Variants in BFSP2 observed in about 807,000 individuals in gnomAD.
BFSP2 encodes the protein beaded filament structural protein 2, also known as phakinin.
In BFSP2, 38 loss-of-function variants were observed where a neutral mutation model predicts 44.9. The ratio of observed to expected loss-of-function variants is 0.85; its 90% confidence interval spans 0.65 to 1.11. The LOEUF (loss-of-function observed/expected upper bound fraction) is 1.11. Ranked by LOEUF, BFSP2 falls within the 50% of genes least tolerant of loss-of-function variation. The pLI is 0.00. For synonymous variants in BFSP2, 197 were observed against 209.9 expected (o/e 0.94, Z 0.53); for missense variants, 525 against 533.0 (o/e 0.99, Z 0.15).
intron 1 of BFSP2, among the ~76,000 whole-genome samples, chr3:133,437,059 T>C (rs1384362910): frequency 1.3e-5 from 2 of 152,246 alleles, no homozygotes; most frequent in African/African-American, 4.8e-5. Flanking sequence ...AGTGCCACAA[T>C]AAACATACGT....
intron 4 of BFSP2, among the ~76,000 whole-genome samples, chr3:133,457,601 G>T (rs1178592484): frequency 6.6e-6 from 1 of 151,996 alleles, no homozygotes; most frequent in African/African-American, 2.4e-5. Flanking sequence ...AGAACATACT[G>T]CTTTATGACT....
At chr3:133,453,772 A>G (rs2073987562) in intron 4 of BFSP2, among the ~76,000 whole-genome samples, 1 of 152,220 alleles carries the variant, frequency 6.6e-6, no homozygotes, top group Non-Finnish European at 1.5e-5. Context: ...AGCCTAAGGG[A>G]TAAAGGTGGT....
In BFSP2 at chr3:133,455,991, C is replaced by A. The variant is rs73863551; in HGVS notation, c.891+5527C>A. ...GACTCCACACTTTCATTCCCAGAGG[C>A]CTCATTTCTCCATCCCTTGCCTGCT... On this transcript the variant is annotated intron_variant, in intron 4 of 6. Coordinates refer to ENST00000302334, the MANE Select transcript of BFSP2 (RefSeq NM_003571.4). Among the ~76,000 whole-genome samples, 1,127 of 152,320 alleles carry A rather than the reference C, an allele frequency of 7.4e-3. 16 individuals carry two copies. Among genetic ancestry groups the A allele is most frequent in the African/African-American group, 0.026 (1,079 of 41,570 alleles).
At chr3:133,448,840 A>G (rs2073929056) in intron 3 of BFSP2, 195 bp downstream of exon 3, 1 of 673,714 alleles carries the variant, frequency 1.5e-6, no homozygotes, top group Non-Finnish European at 2.5e-6. Flanking sequence ...CTCAAACTCA[A>G]ATAGCTTCAG....
In BFSP2 at chr3:133,400,196, G is replaced by A. The variant is rs778550792; in HGVS notation, c.113G>A (p.Ser38Asn). 1.9e-6 allele frequency: 3 copies of A among 1,614,066 alleles called. No homozygotes were observed. In the East Asian group the frequency reaches 6.7e-5, roughly 36 times the overall value. Residue 38 changes from serine to asparagine, a missense_variant, in exon 1 of 7, where the codon AGC becomes AAC. Physicochemically the swap from Ser to Asn is conservative, Grantham distance 46. Transcript: ENST00000302334. This position sits in a 1 kb window ranked among gnomAD's most constrained non-coding sequence, Gnocchi z 4.0. Reference protein sequence around the residue: ...RGPRSSSSLESPPASRTNAMS... With the variant: ...RGPRSSSSLENPPASRTNAMS... ...CCACGGTCATCATCCTCCCTGGAGA[G>A]CCCCCCAGCCTCCAGGACCAATGCC...
chr3:133,400,200 C>A lies in BFSP2; in HGVS notation c.117C>A (p.Pro39=). 1 of 1,614,084 alleles carries A rather than the reference C, an allele frequency of 6.2e-7. No individual in the cohort carries two copies. Among genetic ancestry groups the A allele is most frequent in the South Asian group, 1.1e-5 (1 of 91,082 alleles). ...GGTCATCATCCTCCCTGGAGAGCCC[C>A]CCAGCCTCCAGGACCAATGCCATGA... ...GPRSSSSLES[P]PASRTNAMSG... Residue 39 remains proline (P), a synonymous_variant, in exon 1 of 7, where the codon CCC becomes CCA. Coordinates refer to ENST00000302334, the MANE Select transcript of BFSP2 (RefSeq NM_003571.4). This position sits in a 1 kb window ranked among gnomAD's most constrained non-coding sequence, Gnocchi z 4.0.
chr3:133,472,482 G>C lies in BFSP2; in HGVS notation c.1161G>C (p.Glu387Asp). 6.2e-7 allele frequency: 1 copy of C among 1,613,748 alleles called. No individual in the cohort carries two copies. ...CGGAGGCGGAGCAGCAGCAACAGGA[G>C]CGCGCGCATCTGCTGGCCCGCAAGT... ...IRAEAEQQQQ[E>D]RAHLLARKCQ... is the part of the protein sequence containing the mutation. Residue 387 changes from glutamate (E) to aspartate (D), a missense_variant, in exon 6 of 7, where the codon GAG (glutamate) becomes GAC (aspartate). Coordinates refer to ENST00000302334, the MANE Select transcript of BFSP2 (RefSeq NM_003571.4).
chr3:133,433,639 CA>C (rs2073751633), intron 1 of BFSP2, among the ~76,000 whole-genome samples: 1 of 152,186 alleles, frequency 6.6e-6, no homozygotes, highest in Non-Finnish European at 1.5e-5. Context: ...TCCCTTCTGT[CA>C]GACATAATTC....
chr3:133,413,851 TC>T (rs2073478985), intron 1 of BFSP2, among the ~76,000 whole-genome samples: 1 of 151,920 alleles, frequency 6.6e-6, no homozygotes, highest in Non-Finnish European at 1.5e-5. Flanking sequence ...CGAATAACCA[TC>T]TAAATAAGCG....
intron 4 of BFSP2, among the ~76,000 whole-genome samples, chr3:133,462,160 C>T (rs941438352): frequency 1.3e-5 from 2 of 152,158 alleles, no homozygotes; most frequent in Admixed American, 6.5e-5. Flanking sequence ...GACGCTCATG[C>T]GCATTTAACC....
chr3:133,474,864 G>T (rs974234033), intron 6 of BFSP2, 105 bp from the exon 7 acceptor site: 1 of 1,453,950 alleles, frequency 6.9e-7, no homozygotes. Flanking sequence ...TTGTTCCAAA[G>T]GCCAGATTCT....
At chr3:133,445,466 C>A (rs2073888664) in intron 1 of BFSP2, 1 of 152,172 alleles carries the variant, frequency 6.6e-6, no homozygotes, top group Non-Finnish European at 1.5e-5. Context: ...CTCACAAGTT[C>A]CCAGGTGATG....
At chr3:133,446,582 A>AAAGGAGTTTC (rs2073900779) in intron 1 of BFSP2, among the ~76,000 whole-genome samples, 1 of 8,360 alleles carries the variant, frequency 1.2e-4, no homozygotes, top group African/African-American at 2.9e-4. Flanking sequence ...ATATATATAT[A>AAAGGAGTTTC]TATATATATA....
rs2074172243 is a variant in BFSP2 at position 133,472,446 on chromosome 3, G to A, written c.1125G>A (p.Arg375=). 3 of 1,613,988 alleles carry A rather than the reference G, an allele frequency of 1.9e-6. No homozygotes were observed. The highest frequency in any genetic ancestry group is 1.3e-5 in the African/African-American group (1 of 74,960). ...AVVGRLEAEL[R]EIRAEAEQQQ... Reference sequence around the variant, plus strand: ...TCGGCCGGCTGGAGGCGGAGCTCAGGGAAATCCGAGCGGAGGCGGAGCAGC... The same window carrying A: ...TCGGCCGGCTGGAGGCGGAGCTCAGAGAAATCCGAGCGGAGGCGGAGCAGC... Residue 375 remains arginine, a synonymous_variant, in exon 6 of 7, where the codon AGG becomes AGA. Transcript: ENST00000302334.
chr3:133,406,110 C>T (rs1212088233), intron 1 of BFSP2, among the ~76,000 whole-genome samples: 1 of 143,698 alleles, frequency 7.0e-6, no homozygotes, highest in Non-Finnish European at 1.5e-5. Flanking sequence ...ACCACCATAT[C>T]CAGCTATTTT....
intron 1 of BFSP2, among the ~76,000 whole-genome samples, chr3:133,433,565 C>T (rs542408649): frequency 1.3e-5 from 2 of 152,340 alleles, no homozygotes; most frequent in South Asian, 4.1e-4. Context: ...TCTAGGTAGA[C>T]ACTTTCACTG....
chr3:133,447,656 G>A (rs2073916064), intron 2 of BFSP2, among the ~76,000 whole-genome samples: 1 of 152,032 alleles, frequency 6.6e-6, no homozygotes, highest in Non-Finnish European at 1.5e-5. Flanking sequence ...TCACCCAGGG[G>A]CCATATAGAA....
At position 133,473,438 on chromosome 3, in the gene BFSP2, C is replaced by CAAA. The variant is rs748691333; in HGVS notation, c.1244+892_1244+894dup. On this transcript the variant is annotated intron_variant, in intron 6 of 6. Coordinates refer to ENST00000302334, the MANE Select transcript of BFSP2 (RefSeq NM_003571.4). ...GGAAGTGGGAGAGAAGAGGCAGCAGCAAAAAAAAAAAAAAAAAAAAAGGCT... is the reference window on the plus strand; with the variant it reads ...GGAAGTGGGAGAGAAGAGGCAGCAGCAAAAAAAAAAAAAAAAAAAAAAAAGGCT... Among the ~76,000 whole-genome samples, 135 of 72,794 alleles carry CAAA rather than the reference C, an allele frequency of 1.9e-3. 2 individuals are homozygous for CAAA. Among genetic ancestry groups the CAAA allele is most frequent in the Admixed American group, 3.0e-3 (15 of 5,068 alleles). 47.8% of individuals were successfully genotyped at this position (72,794 alleles called of 152,430 possible).
At chr3:133,467,852 A>T (rs1229441388) in intron 5 of BFSP2, among the ~76,000 whole-genome samples, 1 of 152,138 alleles carries the variant, frequency 6.6e-6, no homozygotes, top group Non-Finnish European at 1.5e-5. Flanking sequence ...GCATGATAGG[A>T]TGTAGGTCCG....
Sources: gnomAD v4.1 joint callset for allele counts (sites outside exome capture counted in the v4.1 genomes callset) on GRCh38, gnomAD v4.1.1 for gene constraint, Gnocchi (gnomAD v3.1) non-coding constraint, MANE v1.5 for transcripts, NCBI Gene and HGNC (gene_info 2026-07-23, HGNC 2026-07-21) for gene names.